The following ZBED6 variants were observed in gnomAD, a reference collection of about 807,000 sequenced individuals.
ZBED6 encodes zinc finger BED-type containing 6, also known as zinc finger BED domain-containing protein 6.
A neutral mutation model predicts 58.4 loss-of-function variants in ZBED6; 40 were observed. The ratio of observed to expected loss-of-function variants is 0.68; its 90% CI spans 0.53 to 0.89. ZBED6 has a LOEUF of 0.89. ZBED6 is among the 40% of genes least tolerant of loss of function. ZBED6 has a pLI of 0.00. For synonymous variants in ZBED6, 439 were observed against 350.6 expected, an observed-to-expected ratio of 1.25 and a Z score of -2.82; for missense variants, 1,057 against 1,003.9, an observed-to-expected ratio of 1.05 and a Z score of -0.71.
At chr1:203,853,403 T>TG (rs1331886615) in exon 17 of ZBED6, 1 of 152,590 alleles carries the variant, frequency 6.6e-6, no homozygotes, top group African/African-American at 2.4e-5. Context: ...TGAGATGCTC[T>TG]GGGGGTGTAT....
At chr1:203,820,468 A>G (rs67642275) in intron 3 of ZBED6, among the ~76,000 whole-genome samples, 27,240 of 150,262 alleles carry the variant, frequency 0.18, 2,923 homozygotes, top group East Asian at 0.31. Context: ...ATCACAAATT[A>G]TGTGTGTGTG....
exon 17 of ZBED6, chr1:203,853,138 A>G (rs982984742): frequency 4.0e-5 from 6 of 151,762 alleles, no homozygotes; most frequent in African/African-American, 1.5e-4. Flanking sequence ...AGATGGTGAC[A>G]TGATTAGAGG....
chr1:203,800,479 T>G, exon 1 of ZBED6: 1 of 1,464,740 alleles, frequency 6.8e-7, no homozygotes, highest in South Asian at 1.4e-5. Flanking sequence ...TTTCTCCATT[T>G]AAAATGGGCA....
intron 11 of ZBED6, among the ~76,000 whole-genome samples, chr1:203,843,634 A>G: frequency 6.6e-6 from 1 of 152,222 alleles, no homozygotes. Context: ...CAATATGTAA[A>G]TGAATGACTG....
At chr1:203,840,427 C>T (rs973524063) in intron 11 of ZBED6, 53 bp downstream of exon 11, 1 of 1,551,526 alleles carries the variant, frequency 6.4e-7, no homozygotes, top group Non-Finnish European at 8.8e-7. Flanking sequence ...GCTGTAAGAG[C>T]CTTTGCTTTT....
intron 11 of ZBED6, among the ~76,000 whole-genome samples, chr1:203,841,919 A>G (rs1686405673): frequency 7.0e-6 from 1 of 143,078 alleles, no homozygotes; most frequent in Non-Finnish European, 1.5e-5. Context: ...CACCTCCCAG[A>G]TGGGGTGGCG....
exon 1 of ZBED6, chr1:203,800,316 A>G: frequency 1.1e-6 from 1 of 889,034 alleles, no homozygotes; most frequent in Non-Finnish European, 1.8e-6. Context: ...ACAGATCATG[A>G]GCCTGGACTT....
At chr1:203,850,321 G>T (rs1395263822) in intron 14 of ZBED6, 194 bp from the exon 15 acceptor site, 5 of 759,694 alleles carry the variant, frequency 6.6e-6, no homozygotes, top group African/African-American at 3.5e-5. Context: ...AAGTGGTATT[G>T]TATCTACATG....
At chr1:203,821,867 C>T (rs1245960709) in intron 3 of ZBED6, among the ~76,000 whole-genome samples, 2 of 151,962 alleles carry the variant, frequency 1.3e-5, no homozygotes, top group African/African-American at 2.4e-5. Context: ...ACACCATTCT[C>T]CTGTTTCAGT....
chr1:203,847,212 T>C (rs1688144450), exon 12 of ZBED6: 4 of 1,613,612 alleles, frequency 2.5e-6, no homozygotes, highest in African/African-American at 2.7e-5. Flanking sequence ...GTGAGATCCA[T>C]GTGAAGACAT....
intron 8 of ZBED6, among the ~76,000 whole-genome samples, chr1:203,833,079 C>T (rs572264175): frequency 1.3e-5 from 2 of 151,648 alleles, no homozygotes; most frequent in Non-Finnish European, 2.9e-5. Context: ...ACTAAAAATA[C>T]AAAAATTAGG....
exon 1 of ZBED6, chr1:203,801,209 G>A (rs1451724922): frequency 6.6e-6 from 1 of 152,134 alleles, no homozygotes; most frequent in African/African-American, 2.4e-5. Flanking sequence ...GGTTGAATGG[G>A]AATTGTAATG....
intron 13 of ZBED6, 83 bp from the exon 14 acceptor site, chr1:203,849,628 A>G (rs1296620012): frequency 1.5e-6 from 2 of 1,313,508 alleles, no homozygotes; most frequent in Non-Finnish European, 2.1e-6. Flanking sequence ...ATTCTGCTTA[A>G]CTTAGATGTT....
At chr1:203,798,718 C>A in exon 1 of ZBED6, 2 of 1,536,010 alleles carry the variant, frequency 1.3e-6, no homozygotes, top group African/African-American at 1.4e-5. Flanking sequence ...GAGAGAGAAA[C>A]AACATGTTGT....
At chr1:203,811,791 C>T (rs1674575215) in intron 1 of ZBED6, among the ~76,000 whole-genome samples, 1 of 149,658 alleles carries the variant, frequency 6.7e-6, no homozygotes, top group Non-Finnish European at 1.5e-5. Context: ...GCATATATGT[C>T]TGAAAAGTAT....
At chr1:203,843,282 T>A (rs1686981698) in intron 11 of ZBED6, among the ~76,000 whole-genome samples, 1 of 152,234 alleles carries the variant, frequency 6.6e-6, no homozygotes, top group South Asian at 2.1e-4. Flanking sequence ...ACATAAATAC[T>A]GATTCAGTGG....
intron 1 of ZBED6, among the ~76,000 whole-genome samples, chr1:203,803,483 C>T (rs1036527754): frequency 2.0e-5 from 3 of 152,160 alleles, no homozygotes; most frequent in Admixed American, 6.5e-5. Flanking sequence ...GAGCCACCGC[C>T]TCTGGCCCAT....
At chr1:203,797,378 C>T in exon 1 of ZBED6, 1 of 736,454 alleles carries the variant, frequency 1.4e-6, no homozygotes, top group Non-Finnish European at 2.0e-6. Flanking sequence ...AATAACCTGG[C>T]TTGGAAGTTA....
intron 11 of ZBED6, among the ~76,000 whole-genome samples, chr1:203,845,689 AC>A (rs929928041): frequency 4.9e-4 from 74 of 152,094 alleles, no homozygotes; most frequent in African/African-American, 1.8e-3. Context: ...ACATGGCAAA[AC>A]CCTGTCTCTA....
Sources: allele counts gnomAD v4.1 joint callset (sites outside exome capture counted in the v4.1 genomes callset), GRCh38; gene constraint gnomAD v4.1.1; transcripts MANE v1.5; gene names NCBI Gene and HGNC (gene_info 2026-07-23, HGNC 2026-07-21).